The following LRRC4C variants were observed in gnomAD, a reference collection of about 807,000 sequenced individuals.
The protein encoded by LRRC4C is leucine rich repeat containing 4C, also known as leucine-rich repeat-containing protein 4C.
A neutral mutation model predicts 33.6 loss-of-function variants in LRRC4C; 5 were observed. The observed-to-expected ratio is 0.15, with a 90% confidence interval of 0.08 to 0.31. The LOEUF is 0.31. LRRC4C is among the 10% of genes least tolerant of loss of function. The pLI is 1.00. For synonymous variants in LRRC4C, 329 were observed against 302.0 expected (o/e 1.09, Z -0.93); for missense variants, 560 against 796.7 (o/e 0.70, Z 3.58).
intron 1 of LRRC4C, among the ~76,000 whole-genome samples, chr11:41,324,069 C>A (rs541279962): frequency 6.7e-4 from 102 of 152,256 alleles, no homozygotes; most frequent in African/African-American, 2.3e-3. Context: ...AAAGTGCAGA[C>A]CTCAAAGTCT....
intron 3 of LRRC4C, among the ~76,000 whole-genome samples, chr11:40,555,401 A>G (rs1957293937): frequency 6.6e-6 from 1 of 152,348 alleles, no homozygotes; most frequent in South Asian, 2.1e-4. Context: ...AGTTTATGCC[A>G]ATTCAAACAG....
chr11:40,815,321 C>T (rs1336656321), intron 2 of LRRC4C, among the ~76,000 whole-genome samples: 1 of 152,134 alleles, frequency 6.6e-6, no homozygotes, highest in East Asian at 1.9e-4. Context: ...AAACTTGCCC[C>T]TTAATTCAAT....
intron 1 of LRRC4C, among the ~76,000 whole-genome samples, chr11:41,228,389 T>C (rs1947636905): frequency 6.6e-6 from 1 of 152,124 alleles, no homozygotes. Context: ...AAATGTAGAA[T>C]TTTAGGTAAA....
At chr11:40,373,382 A>T (rs1190549423) in intron 3 of LRRC4C, among the ~76,000 whole-genome samples, 1 of 152,190 alleles carries the variant, frequency 6.6e-6, no homozygotes, top group South Asian at 2.1e-4. Flanking sequence ...GTAAAAATCA[A>T]GTGGTGAAAT....
intron 5 of LRRC4C, among the ~76,000 whole-genome samples, chr11:40,151,193 CT>C (rs1858176644): frequency 1.3e-5 from 2 of 152,166 alleles, no homozygotes; most frequent in African/African-American, 4.8e-5. Flanking sequence ...ACAAATTTTG[CT>C]TTAAAACAAG....
chr11:40,381,344 A>C (rs1948859409), intron 3 of LRRC4C, among the ~76,000 whole-genome samples: 1 of 152,108 alleles, frequency 6.6e-6, no homozygotes, highest in Non-Finnish European at 1.5e-5. Context: ...AACCAACTGG[A>C]TCTGCCTTTA....
At chr11:41,057,327 C>A (rs1173012684) in intron 1 of LRRC4C, among the ~76,000 whole-genome samples, 3 of 152,190 alleles carry the variant, frequency 2.0e-5, no homozygotes, top group East Asian at 3.9e-4. Flanking sequence ...AAACTTTGGG[C>A]ACTGATAAGC....
intron 1 of LRRC4C, among the ~76,000 whole-genome samples, chr11:41,398,050 G>A (rs1395859648): frequency 6.6e-6 from 1 of 151,870 alleles, no homozygotes; most frequent in African/African-American, 2.4e-5. Context: ...TAATGGGGAT[G>A]CACTTGTGAC....
intron 1 of LRRC4C, among the ~76,000 whole-genome samples, chr11:41,374,145 C>T (rs1952855382): frequency 6.6e-6 from 1 of 152,266 alleles, no homozygotes; most frequent in South Asian, 2.1e-4. Context: ...AACCATCTGT[C>T]TGAACTTCCT....
chr11:40,906,379 C>G (rs1368091451), intron 2 of LRRC4C, among the ~76,000 whole-genome samples: 1 of 152,056 alleles, frequency 6.6e-6, no homozygotes, highest in East Asian at 1.9e-4. Flanking sequence ...GGCATGGTGC[C>G]ATGCGCCTGT....
intron 3 of LRRC4C, among the ~76,000 whole-genome samples, chr11:40,545,291 T>C (rs568346418): frequency 6.6e-6 from 1 of 152,150 alleles, no homozygotes; most frequent in East Asian, 1.9e-4. Context: ...TAAATGTTTG[T>C]TAAAAGAGGA....
intron 3 of LRRC4C, among the ~76,000 whole-genome samples, chr11:40,450,389 T>A (rs1951830285): frequency 6.6e-6 from 1 of 152,188 alleles, no homozygotes; most frequent in Non-Finnish European, 1.5e-5. Context: ...ATGACCTGTG[T>A]GATATGTGTG....
chr11:40,555,384 T>A (rs1439397959), intron 3 of LRRC4C, among the ~76,000 whole-genome samples: 1 of 152,338 alleles, frequency 6.6e-6, no homozygotes, highest in Non-Finnish European at 1.5e-5. Context: ...ATTACTGGTA[T>A]CTTCAGAGTT....
At chr11:41,305,913 TAA>T (rs202068691) in intron 1 of LRRC4C, among the ~76,000 whole-genome samples, 1 of 82,620 alleles carries the variant, frequency 1.2e-5, no homozygotes, top group Non-Finnish European at 2.9e-5. Flanking sequence ...AAAAATAAAT[TAA>T]AAAAAAATAA....
At chr11:40,767,310 C>A (rs1188173276) in intron 2 of LRRC4C, among the ~76,000 whole-genome samples, 1 of 152,000 alleles carries the variant, frequency 6.6e-6, no homozygotes, top group African/African-American at 2.4e-5. Context: ...AACAATGGAT[C>A]ACCCAGATAT....
chr11:41,273,077 A>G (rs1223449833), intron 1 of LRRC4C, among the ~76,000 whole-genome samples: 1 of 152,224 alleles, frequency 6.6e-6, no homozygotes, highest in Non-Finnish European at 1.5e-5. Context: ...GATAATACGT[A>G]TATAAATAGC....
At chr11:40,188,697 GA>G (rs1211499659) in intron 5 of LRRC4C, among the ~76,000 whole-genome samples, 3 of 151,942 alleles carry the variant, frequency 2.0e-5, no homozygotes, top group African/African-American at 7.3e-5. Flanking sequence ...CGAATAGGGG[GA>G]AAATATTATA....
At chr11:40,816,174 C>A (rs535353075) in intron 2 of LRRC4C, among the ~76,000 whole-genome samples, 1 of 152,278 alleles carries the variant, frequency 6.6e-6, no homozygotes, top group Admixed American at 6.5e-5. Context: ...TATTGACTAT[C>A]ATGTTTCTTT....
At chr11:41,330,863 T>C (rs1330550691) in intron 1 of LRRC4C, among the ~76,000 whole-genome samples, 2 of 152,106 alleles carry the variant, frequency 1.3e-5, no homozygotes, top group Non-Finnish European at 2.9e-5. Context: ...TATACATTAG[T>C]CTCCAAACTT....
Sources: gnomAD v4.1 joint callset for allele counts (sites outside exome capture counted in the v4.1 genomes callset) on GRCh38, gnomAD v4.1.1 for gene constraint, MANE v1.5 for transcripts, NCBI Gene and HGNC (gene_info 2026-07-23, HGNC 2026-07-21) for gene names.